Variants in TNRC6C observed in about 807,000 individuals in gnomAD.
The protein encoded by TNRC6C is trinucleotide repeat containing adaptor 6C.
A neutral mutation model predicts 153.7 loss-of-function variants in TNRC6C; 20 were observed. That is an observed-to-expected ratio of 0.13 (90% CI 0.09 to 0.19). TNRC6C has a LOEUF of 0.19. TNRC6C is among the 10% of genes least tolerant of loss of function. The pLI is 1.00. For missense variants in TNRC6C, 1,987 were observed against 2,172.0 expected (o/e 0.91, Z 1.69); for synonymous variants, 811 against 841.4 (o/e 0.96, Z 0.63).
intron 1 of TNRC6C, among the ~76,000 whole-genome samples, chr17:77,963,359 A>T (rs2070875234): frequency 6.6e-6 from 1 of 152,234 alleles, no homozygotes; most frequent in Admixed American, 6.5e-5. Flanking sequence ...TGAAATGTTA[A>T]TTTATTTAAT....
chr17:78,050,069 C>G, exon 3 of TNRC6C: 3 of 1,610,566 alleles, frequency 1.9e-6, no homozygotes, highest in Non-Finnish European at 2.5e-6. Flanking sequence ...CGAAGCACCT[C>G]TAACGGTGTG....
intron 3 of TNRC6C, among the ~76,000 whole-genome samples, chr17:78,060,468 CTTTTTTT>C (rs975826787): frequency 4.0e-5 from 5 of 125,980 alleles, no homozygotes; most frequent in Non-Finnish European, 8.4e-5. Context: ...AATCGTTTAT[CTTTTTTT>C]TTTTTTTTTT....
chr17:78,052,346 C>G (rs967696827), intron 3 of TNRC6C, among the ~76,000 whole-genome samples: 2 of 152,136 alleles, frequency 1.3e-5, no homozygotes, highest in African/African-American at 4.8e-5. Flanking sequence ...TGTCAGGGCC[C>G]AGAGATCACC....
At chr17:78,056,014 CTTAGAAACTTTTTCTT>C (rs756563973) in intron 3 of TNRC6C, among the ~76,000 whole-genome samples, 19 of 152,242 alleles carry the variant, frequency 1.2e-4, no homozygotes, top group Non-Finnish European at 1.5e-4. Flanking sequence ...ATACGTGATC[CTTAGAAACTTTTTCTT>C]TTAGAGACAG....
At chr17:78,024,376 G>GT (rs1008846263) in intron 1 of TNRC6C, among the ~76,000 whole-genome samples, 6 of 151,768 alleles carry the variant, frequency 4.0e-5, no homozygotes, top group Admixed American at 6.6e-5. Context: ...TTGTTTGTTT[G>GT]TTTTTTTGGA....
At chr17:78,072,764 T>C (rs1263072623) in intron 6 of TNRC6C, among the ~76,000 whole-genome samples, 1 of 152,188 alleles carries the variant, frequency 6.6e-6, no homozygotes, top group Non-Finnish European at 1.5e-5. Context: ...GAAAATGATT[T>C]TAGGAGTACT....
rs1195455571 is a variant in TNRC6C at position 78,098,236 on chromosome 17, C to A, written c.4307-107C>A. 3.6e-6 allele frequency: 4 copies of A among 1,103,064 alleles called. No individual in the cohort carries two copies. In the African/African-American group the frequency reaches 6.4e-5, roughly 18 times the overall value. 68.3% of individuals were successfully genotyped at this position (1,103,064 alleles called of 1,614,324 possible). A position where few individuals can be genotyped will look rare whatever the true frequency, so the allele number is the denominator to read the frequency against. ...TGACTTGGTGTTTCTTTGCCTATCA[C>A]ACAGTCTGCTGGTGTTAGAGAGCAC... On this transcript the variant is annotated intron_variant, in intron 16 of 19. Coordinates refer to ENST00000301624, the Ensembl canonical transcript of TNRC6C.
chr17:78,020,085 T>A (rs151263474), intron 1 of TNRC6C, among the ~76,000 whole-genome samples: 1 of 152,326 alleles, frequency 6.6e-6, no homozygotes, highest in African/African-American at 2.4e-5. Context: ...GTCAGAAGGT[T>A]TATCACTGCA....
chr17:78,082,620 T>C (rs768942689), intron 10 of TNRC6C, among the ~76,000 whole-genome samples: 2 of 152,216 alleles, frequency 1.3e-5, no homozygotes, highest in Non-Finnish European at 2.9e-5. Context: ...TGTGGCAAGA[T>C]AAGGGCGTTT....
At chr17:78,051,411 C>T (rs147882211) in exon 3 of TNRC6C, 18,100 of 1,545,766 alleles carry the variant, frequency 0.012, 191 homozygotes, top group South Asian at 0.037. Context: ...CGCACCAGGC[C>T]GGTACTCAGC....
Position 78,079,275 on chromosome 17 carries a change from A to ACTTCCTAC in TNRC6C, c.3211-119_3211-118insTTCCTACC. ...AAAAAATTCTCTTGGGTACAAGTTGACAGTGGTAGGAAGTAGAAACAATTT... is the reference window on the plus strand; with the variant it reads ...AAAAAATTCTCTTGGGTACAAGTTGACTTCCTACCAGTGGTAGGAAGTAGAAACAATTT... On this transcript the variant is annotated intron_variant, in intron 9 of 19. Coordinates refer to ENST00000301624, the Ensembl canonical transcript of TNRC6C. The surrounding 1 kb of genome is among the most constrained non-coding windows in gnomAD (Gnocchi z 4.3). 1 of 1,423,088 alleles carries ACTTCCTAC rather than the reference A, an allele frequency of 7.0e-7. No individual in the cohort carries two copies. The allele number at this position is 1,423,088 out of a possible 1,614,324, so 88.2% of individuals were successfully genotyped here. A position where few individuals can be genotyped will look rare whatever the true frequency, so the allele number is the denominator to read the frequency against.
At chr17:78,057,234 G>A (rs2072677072) in intron 3 of TNRC6C, among the ~76,000 whole-genome samples, 1 of 152,126 alleles carries the variant, frequency 6.6e-6, no homozygotes, top group Non-Finnish European at 1.5e-5. Context: ...GCATAAAGTG[G>A]CTACACTGAG....
chr17:77,962,244 A>G (rs571756539), intron 1 of TNRC6C, among the ~76,000 whole-genome samples: 3 of 152,324 alleles, frequency 2.0e-5, no homozygotes, highest in African/African-American at 4.8e-5. Context: ...ACCTTTTAAG[A>G]TTGAAAAACC....
rs1219487806 is a variant in TNRC6C at position 78,098,482 on chromosome 17, G to T, written c.4446G>T (p.Lys1482Asn). ...CACCTCCAGGGTTAACCAATCCCAAGCCCTCCTCCACCTGGGGTGCCAGCC... is the reference window on the plus strand; with the variant it reads ...CACCTCCAGGGTTAACCAATCCCAATCCCTCCTCCACCTGGGGTGCCAGCC... Residue 1482 changes from lysine (K) to asparagine (N), a missense_variant, in exon 17 of 20, where the codon AAG (lysine) becomes AAT (asparagine). Physicochemically the swap from Lys to Asn is moderately conservative, Grantham distance 94 (BLOSUM62 0). This residue lies in a region of TNRC6C where 765 missense variants were observed against 908.6 expected (regional missense o/e 0.84). Transcript: ENST00000301624. 5 of 1,613,812 alleles carry T rather than the reference G, an allele frequency of 3.1e-6. No individual in the cohort carries two copies. In the African/African-American group the frequency reaches 6.7e-5, roughly 22 times the overall value.
chr17:78,104,725 GC>G lies in TNRC6C; in HGVS notation c.4957del (p.Gln1653SerfsTer17). 1 of 1,531,722 alleles carries G rather than the reference GC, an allele frequency of 6.5e-7. No individual in the cohort carries two copies. 94.9% of individuals were successfully genotyped at this position (1,531,722 alleles called of 1,614,324 possible). ...GCAGTGAGCTGCTGTGGGGCGGGGT[GC>G]CCCAGTACTCCAGCAGCCTGTGGGG... On this transcript the variant is annotated frameshift_variant, in exon 20 of 20. Transcript: ENST00000301624. LOFTEE classifies it high-confidence loss of function. This position sits in a 1 kb window ranked among gnomAD's most constrained non-coding sequence, Gnocchi z 6.2.
chr17:77,985,596 C>T (rs1358516544), intron 1 of TNRC6C, among the ~76,000 whole-genome samples: 5 of 128,940 alleles, frequency 3.9e-5, no homozygotes, highest in African/African-American at 8.6e-5. Flanking sequence ...AGCGAGACTC[C>T]GTCTCAAAAA....
chr17:78,006,581 T>C (rs1479871950), intron 1 of TNRC6C, among the ~76,000 whole-genome samples: 1 of 147,540 alleles, frequency 6.8e-6, no homozygotes, highest in East Asian at 2.0e-4. Context: ...TCTTCCTTCT[T>C]CTTCCTTCTT....
In TNRC6C at chr17:78,075,857, A is replaced by G. The variant is rs1312558469; in HGVS notation, c.3060+579A>G. 1.3e-5 allele frequency among the ~76,000 whole-genome samples: 2 copies of G among 152,134 alleles called. No homozygotes were observed. Among genetic ancestry groups the G allele is most frequent in the Non-Finnish European group, 2.9e-5 (2 of 68,034 alleles). ...CGGAGAAAAGCATTGCACTAAATTC[A>G]ATGCAAATGTCGAGCCTTGAAAATA... is the stretch of plus-strand genomic sequence containing the variant. On this transcript the variant is annotated intron_variant, in intron 8 of 19. Transcript: ENST00000301624. This position sits in a 1 kb window ranked among gnomAD's most constrained non-coding sequence, Gnocchi z 4.2.
At chr17:77,975,422 C>A (rs2070984892) in intron 1 of TNRC6C, among the ~76,000 whole-genome samples, 1 of 152,016 alleles carries the variant, frequency 6.6e-6, no homozygotes, top group Non-Finnish European at 1.5e-5. Flanking sequence ...ATGCAGTGTG[C>A]TGGAGGGAGA....
Sources: gnomAD v4.1 joint callset for allele counts (sites outside exome capture counted in the v4.1 genomes callset) on GRCh38, gnomAD v4.1.1 for gene constraint, gnomAD v4.1.1 regional missense constraint, Gnocchi (gnomAD v3.1) non-coding constraint, MANE v1.5 for transcripts, NCBI Gene and HGNC (gene_info 2026-07-23, HGNC 2026-07-21) for gene names.